The following ASPSCR1 variants were observed in gnomAD, a reference collection of about 807,000 sequenced individuals.
The protein encoded by ASPSCR1 is ASPSCR1 tether for SLC2A4, UBX domain containing, also known as tether containing UBX domain for GLUT4.
A neutral mutation model predicts 68.9 loss-of-function variants in ASPSCR1; 55 were observed. That is an observed-to-expected ratio of 0.80 (90% CI 0.64 to 1.00). The LOEUF is 1.00. Among genes scored for constraint, ASPSCR1 ranks in the 50% least tolerant of loss-of-function variants. The pLI is 0.00. For missense variants in ASPSCR1, 765 were observed against 762.2 expected, an observed-to-expected ratio of 1.00 and a Z score of -0.04; for synonymous variants, 352 against 332.6, an observed-to-expected ratio of 1.06 and a Z score of -0.63.
At chr17:81,993,138 G>C (rs1286276915) in intron 4 of ASPSCR1, among the ~76,000 whole-genome samples, 2 of 152,158 alleles carry the variant, frequency 1.3e-5, no homozygotes, top group African/African-American at 4.8e-5. Context: ...CCTGTCCTGG[G>C]TGTGGCACCT....
chr17:81,992,143 TC>T (rs1237983333), intron 4 of ASPSCR1, among the ~76,000 whole-genome samples: 1 of 152,252 alleles, frequency 6.6e-6, no homozygotes, highest in African/African-American at 2.4e-5. Context: ...ATTTCTGGCT[TC>T]GGAGCATGGT....
chr17:81,989,704 A>G (rs2042100403), intron 4 of ASPSCR1, among the ~76,000 whole-genome samples: 1 of 152,178 alleles, frequency 6.6e-6, no homozygotes, highest in Non-Finnish European at 1.5e-5. Flanking sequence ...TTGCAGCTCC[A>G]CTGCGAGGGT....
intron 4 of ASPSCR1, among the ~76,000 whole-genome samples, chr17:81,991,175 T>C (rs1284113547): frequency 6.6e-6 from 1 of 152,156 alleles, no homozygotes; most frequent in Non-Finnish European, 1.5e-5. Flanking sequence ...ATTCATGAGC[T>C]CAGCCATGGA....
Position 81,989,123 on chromosome 17 carries a change from A to T in ASPSCR1, c.374+3516A>T, listed in dbSNP as rs1488492345. Reference sequence around the variant, plus strand: ...CTTGGGAGGCTGAGGCAGGAGAATCACTTGAACTCAGGAGGTGGAGGTTGC... The same window carrying T: ...CTTGGGAGGCTGAGGCAGGAGAATCTCTTGAACTCAGGAGGTGGAGGTTGC... On this transcript the variant is annotated intron_variant, in intron 4 of 15. Transcript: ENST00000306739. Among the ~76,000 whole-genome samples, 3 of 152,172 alleles carry T rather than the reference A, an allele frequency of 2.0e-5. No individual in the cohort carries two copies. In the East Asian group the frequency reaches 5.8e-4, roughly 29 times the overall value.
chr17:81,991,358 TC>T (rs965423626), intron 4 of ASPSCR1, among the ~76,000 whole-genome samples: 3 of 152,182 alleles, frequency 2.0e-5, no homozygotes, highest in African/African-American at 7.2e-5. Flanking sequence ...CTCAGCCTGT[TC>T]CTCCTTCTGT....
chr17:81,991,620 T>A (rs2042170602), intron 4 of ASPSCR1, among the ~76,000 whole-genome samples: 2 of 152,212 alleles, frequency 1.3e-5, no homozygotes, highest in Middle Eastern at 3.2e-3. Context: ...TGTCCATCCT[T>A]GTCCATCCCT....
In ASPSCR1 at chr17:81,986,718, A is replaced by G. The variant is rs1451218669; in HGVS notation, c.374+1111A>G. ...AGTTCATGTCTTGAGGACCGAGCAT[A>G]GGGCCTGTGGGAAGGTGACCGCGCG... On this transcript the variant is annotated intron_variant, in intron 4 of 15. Transcript: ENST00000306739. The surrounding 1 kb of genome is among the most constrained non-coding windows in gnomAD (Gnocchi z 5.2). Among the ~76,000 whole-genome samples, 2 of 124,710 alleles carry G rather than the reference A, an allele frequency of 1.6e-5. No homozygotes were observed. The highest frequency in any genetic ancestry group is 3.3e-5 in the Non-Finnish European group (2 of 61,320). 81.8% of individuals were successfully genotyped at this position (124,710 alleles called of 152,430 possible). A position where few individuals can be genotyped will look rare whatever the true frequency, so the allele number is the denominator to read the frequency against.
At position 82,016,693 on chromosome 17, in the gene ASPSCR1, CT is replaced by C. The variant is rs1166080289; in HGVS notation, c.1406-106del. 4 of 1,461,738 alleles carry C rather than the reference CT, an allele frequency of 2.7e-6. No individual in the cohort carries two copies. The Admixed American group carries it at 7.9e-5, about 29-fold the overall frequency. The allele number at this position is 1,461,738 out of a possible 1,614,324, so 90.5% of individuals were successfully genotyped here. A position where few individuals can be genotyped will look rare whatever the true frequency, so the allele number is the denominator to read the frequency against. The stretch of plus-strand genomic sequence containing the variant: ...CCCGAGAGAGGACTGGGACAGCCAC[CT>C]GCTGGCCACCCCCCTCCCAGAGCTG... On this transcript the variant is annotated intron_variant, in intron 13 of 15. Coordinates refer to ENST00000306739, the MANE Select transcript of ASPSCR1 (RefSeq NM_024083.4).
chr17:82,015,081 C>T (rs764851525), intron 12 of ASPSCR1: 1 of 1,597,330 alleles, frequency 6.3e-7, no homozygotes, highest in Non-Finnish European at 8.5e-7. Flanking sequence ...CCAGCCCCAG[C>T]TTGGTGACCG....
intron 12 of ASPSCR1, chr17:82,014,751 G>C (rs1245226099): frequency 4.7e-6 from 2 of 423,716 alleles, no homozygotes; most frequent in Non-Finnish European, 4.3e-6. Flanking sequence ...GCCCCGTGGG[G>C]GTTGACGTGG....
At chr17:82,001,583 C>G (rs368821082) in intron 7 of ASPSCR1, among the ~76,000 whole-genome samples, 1 of 152,086 alleles carries the variant, frequency 6.6e-6, no homozygotes, top group Admixed American at 6.5e-5. Flanking sequence ...TGAGGAACCC[C>G]GGGGGGTAGG....
At chr17:81,995,368 G>A in intron 5 of ASPSCR1, 1 of 248,956 alleles carries the variant, frequency 4.0e-6, no homozygotes. Flanking sequence ...CCTGGCTGGG[G>A]CTGTGACGGG....
chr17:81,991,974 C>T (rs2042183715), intron 4 of ASPSCR1, among the ~76,000 whole-genome samples: 1 of 152,266 alleles, frequency 6.6e-6, no homozygotes, highest in African/African-American at 2.4e-5. Flanking sequence ...AGAATATGCC[C>T]TCGAAGCCAG....
chr17:82,006,484 G>A (rs1166355303), intron 7 of ASPSCR1: 1 of 152,176 alleles, frequency 6.6e-6, no homozygotes, highest in African/African-American at 2.4e-5. Context: ...TCTTTCTGTG[G>A]GCTGAAATAT....
Position 82,012,236 on chromosome 17 carries a change from AC to A in ASPSCR1, c.1310del (p.Pro437LeufsTer99). 6.2e-7 allele frequency: 1 copy of A among 1,613,144 alleles called. No homozygotes were observed. Among genetic ancestry groups the A allele is most frequent in the South Asian group, 1.1e-5 (1 of 91,054 alleles). Reference sequence around the variant, plus strand: ...TAGGTGCCTTCTCTCCTCAGTCATCACCCCTCCAAAAACAGTCCTGGACGAC... The same window carrying A: ...TAGGTGCCTTCTCTCCTCAGTCATCACCCTCCAAAAACAGTCCTGGACGAC... Reference protein sequence around the residue: ...NPELSFYLFITPPKTVLDDHT... With the variant: ...NPELSFYLFIXPPKTVLDDHT... On this transcript the variant is annotated frameshift_variant, in exon 12 of 16. Coordinates refer to ENST00000306739, the MANE Select transcript of ASPSCR1 (RefSeq NM_024083.4). LOFTEE classifies it high-confidence loss of function.
chr17:81,996,011 T>C lies in ASPSCR1; in HGVS notation c.452T>C (p.Leu151Pro), dbSNP rs753059133. The C allele has an allele frequency of 1.2e-6, 2 of 1,610,238 alleles. No individual in the cohort carries two copies. The highest frequency in any genetic ancestry group is 8.5e-7 in the Non-Finnish European group (1 of 1,179,182). The change falls in exon 6 of 16, where the codon CTG becomes CCG. Residue 151 changes from leucine (L) to proline (P), a missense_variant. Leu to Pro is a moderately conservative substitution (Grantham distance 98). Transcript: ENST00000306739. ...CTGCAGGTGACGGGTGAAGCTGCCC[T>C]GCGGGGCACGACGCTGCAGTCGCTG... ...TRDEVTGEAA[L>P]RGTTLQSLGL...
intron 2 of ASPSCR1, among the ~76,000 whole-genome samples, chr17:81,979,475 G>A (rs1484987749): frequency 2.0e-5 from 3 of 152,120 alleles, no homozygotes; most frequent in Admixed American, 6.5e-5. Context: ...GCTTGTGGCC[G>A]CATTGCTCTC....
At chr17:81,994,260 T>G (rs1567968346) in intron 4 of ASPSCR1, among the ~76,000 whole-genome samples, 2 of 152,352 alleles carry the variant, frequency 1.3e-5, no homozygotes, top group Non-Finnish European at 2.9e-5. Flanking sequence ...CATGGACTTA[T>G]AAGCACGGCC....
At chr17:82,002,739 G>A (rs2042577137) in intron 7 of ASPSCR1, among the ~76,000 whole-genome samples, 1 of 151,864 alleles carries the variant, frequency 6.6e-6, no homozygotes, top group East Asian at 1.9e-4. Flanking sequence ...TGTATTTTTA[G>A]TAGAGATGGG....
Sources: gnomAD v4.1 joint callset for allele counts (sites outside exome capture counted in the v4.1 genomes callset) on GRCh38, gnomAD v4.1.1 for gene constraint, Gnocchi (gnomAD v3.1) non-coding constraint, MANE v1.5 for transcripts, NCBI Gene and HGNC (gene_info 2026-07-23, HGNC 2026-07-21) for gene names.